The following METTL22 variants were observed in gnomAD, a reference collection of about 807,000 sequenced individuals.
The protein encoded by METTL22 is methyltransferase 22, Kin17 lysine, also known as methyltransferase-like protein 22.
In METTL22, 51 loss-of-function variants were observed where a neutral mutation model predicts 48.4. That is an observed-to-expected ratio of 1.05 (90% confidence interval 0.84 to 1.33). The LOEUF is 1.33. Among genes scored for constraint, METTL22 ranks in the 40% most tolerant of loss-of-function variants. The pLI, the probability that METTL22 is intolerant of heterozygous loss-of-function variation, is 0.00. For missense variants in METTL22, 678 were observed against 526.9 expected (o/e 1.29, Z -2.81); for synonymous variants, 255 against 214.1 (o/e 1.19, Z -1.67).
Position 8,625,798 on chromosome 16 carries a change from G to A in METTL22, c.133G>A (p.Val45Ile), listed in dbSNP as rs75235259. ...ACGGCTGAACAGCGTGGGGCAGCCA[G>A]GTAAGGTCCTGGGCCCAGGTGCCCT... ...MVRLNSVGQP[V>I]FLSQFKLLWS... Residue 45 changes from valine to isoleucine, a missense_variant and splice_region_variant, in exon 2 of 11, where the codon GTT becomes ATT. Transcript: ENST00000381920. 3.7e-4 allele frequency: 599 copies of A among 1,614,036 alleles called. 5 individuals are homozygous for A. In the African/African-American group the frequency reaches 7.5e-3, roughly 20 times the overall value.
chr16:8,642,424 C>T (rs373554207), intron 8 of METTL22, 39 bp from the exon 9 acceptor site: 38 of 1,575,162 alleles, frequency 2.4e-5, no homozygotes, highest in African/African-American at 1.3e-4. Flanking sequence ...GTAATATTTG[C>T]GTGTTTTCCT....
At chr16:8,650,639 G>A (rs1367376083), downstream of METTL22, among the ~76,000 whole-genome samples, 2 of 152,196 alleles carry the variant, frequency 1.3e-5, no homozygotes, top group African/African-American at 4.8e-5. Context: ...TCAAGGTGGT[G>A]AATACCTCAA....
chr16:8,650,133 C>T (rs1567253448), downstream of METTL22, among the ~76,000 whole-genome samples: 1 of 152,186 alleles, frequency 6.6e-6, no homozygotes, highest in Non-Finnish European at 1.5e-5. Context: ...TGAGATCAGC[C>T]TGGGCAACAT....
At chr16:8,657,833 T>TTTTTTTTTTTTTTTTTG in the METTL22 span, among the ~76,000 whole-genome samples, 1 of 150,802 alleles carries the variant, frequency 6.6e-6, no homozygotes, top group East Asian at 1.9e-4. Flanking sequence ...TCTTTTTTTT[T>TTTTTTTTTTTTTTTTTG]TGAGACAAGG....
chr16:8,647,060 G>T lies in METTL22; in HGVS notation c.*917G>T. 1 of 253,484 alleles carries T rather than the reference G, an allele frequency of 3.9e-6. No individual in the cohort carries two copies. Among genetic ancestry groups the T allele is most frequent in the Non-Finnish European group, 7.9e-6 (1 of 127,326 alleles). The allele number at this position is 253,484 out of a possible 1,614,324, so 15.7% of individuals were successfully genotyped here. ...GCTGCTGCCGCACACTTTGCACCAGGGCCTTTCATGGCCCCTTTCCGCCTC... is the reference window on the plus strand; with the variant it reads ...GCTGCTGCCGCACACTTTGCACCAGTGCCTTTCATGGCCCCTTTCCGCCTC... On this transcript the variant is annotated 3_prime_UTR_variant, in exon 11 of 11. Coordinates refer to ENST00000381920, the MANE Select transcript of METTL22 (RefSeq NM_024109.4).
intron 5 of METTL22, among the ~76,000 whole-genome samples, chr16:8,636,750 C>T (rs993176167): frequency 7.2e-5 from 11 of 152,006 alleles, no homozygotes; most frequent in African/African-American, 2.7e-4. Context: ...GTGTTAGTTA[C>T]ATTGCAATGA....
chr16:8,649,943 TTTA>T (rs374484850), downstream of METTL22, among the ~76,000 whole-genome samples: 46 of 152,290 alleles, frequency 3.0e-4, no homozygotes, highest in East Asian at 6.0e-3. Context: ...GATGCTGCAG[TTTA>T]ACAAGCTCCC....
chr16:8,659,920 C>G, the METTL22 span, among the ~76,000 whole-genome samples: 1 of 151,904 alleles, frequency 6.6e-6, no homozygotes, highest in African/African-American at 2.4e-5. Flanking sequence ...GAGACGGGGT[C>G]TCACTATGTT....
chr16:8,627,469 C>A (rs1206422193), intron 2 of METTL22, among the ~76,000 whole-genome samples: 1 of 152,200 alleles, frequency 6.6e-6, no homozygotes, highest in Non-Finnish European at 1.5e-5. Flanking sequence ...CAGCCCCTCC[C>A]TGGCCACCCT....
At chr16:8,638,226 C>G (rs148522728) in intron 5 of METTL22, among the ~76,000 whole-genome samples, 1 of 152,128 alleles carries the variant, frequency 6.6e-6, no homozygotes, top group African/African-American at 2.4e-5. Flanking sequence ...GGGTAGATCC[C>G]TCCCTTCTGC....
At position 8,647,777 on chromosome 16, in the gene METTL22, G is replaced by C. The variant is rs1286850691; in HGVS notation, c.*1634G>C. On this transcript the variant is annotated 3_prime_UTR_variant, in exon 11 of 11. Transcript: ENST00000381920. ...CACCCTGCCCCTCTGGGAGCAAGAA[G>C]AAAACCTATGCATGTACGTTATTAT... 2.0e-5 allele frequency: 3 copies of C among 152,200 alleles called. No individual in the cohort carries two copies. Among genetic ancestry groups the C allele is most frequent in the African/African-American group, 7.2e-5 (3 of 41,440 alleles). The allele number at this position is 152,200 out of a possible 1,614,324, so 9.4% of individuals were successfully genotyped here.
rs1567246597 is a variant in METTL22, at chr16:8,644,621, C to T, written c.1075C>T (p.Leu359=). ...AGCCTACGATCACTTCCGCTCCTGC[C>T]TGCACGCGCTGGAGCAGCTCGCAGA... The part of the protein sequence containing the change: ...CEAYDHFRSC[L]HALEQLADGK... The change falls in exon 10 of 11, where the codon CTG becomes TTG. Residue 359 remains leucine (L), a synonymous_variant. Transcript: ENST00000381920. The T allele has an allele frequency of 1.2e-6, 2 of 1,605,812 alleles. No homozygotes were observed. The highest frequency in any genetic ancestry group is 4.5e-5 in the East Asian group (2 of 44,222).
the METTL22 span, among the ~76,000 whole-genome samples, chr16:8,664,305 C>G: frequency 6.6e-6 from 1 of 152,018 alleles, no homozygotes; most frequent in Non-Finnish European, 1.5e-5. Flanking sequence ...GACACCATGC[C>G]CAGCTAATTT....
At chr16:8,653,908 G>T (rs1230991890), downstream of METTL22, among the ~76,000 whole-genome samples, 2 of 152,134 alleles carry the variant, frequency 1.3e-5, no homozygotes, top group Non-Finnish European at 2.9e-5. Flanking sequence ...TATCAGGGAA[G>T]AATTTTGTGG....
At chr16:8,665,676 A>T in the METTL22 span, among the ~76,000 whole-genome samples, 1 of 152,208 alleles carries the variant, frequency 6.6e-6, no homozygotes, top group Non-Finnish European at 1.5e-5. Flanking sequence ...CTTCAGCTCC[A>T]TTAAACACAT....
intron 1 of METTL22, among the ~76,000 whole-genome samples, chr16:8,625,125 G>T (rs2056000651): frequency 6.6e-6 from 1 of 152,142 alleles, no homozygotes; most frequent in South Asian, 2.1e-4. Context: ...ATGGTCTTAT[G>T]ATTATATAGG....
At chr16:8,628,099 G>A (rs1239230380) in intron 2 of METTL22, among the ~76,000 whole-genome samples, 4 of 152,214 alleles carry the variant, frequency 2.6e-5, no homozygotes, top group Admixed American at 1.3e-4. Flanking sequence ...TTATGTGGTT[G>A]CCACATCTGT....
Position 8,628,744 on chromosome 16 carries a change from T to G in METTL22, c.148T>G (p.Phe50Val), listed in dbSNP as rs1176056221. ...SVGQPVFLSQ[F>V]KLLWSQDSWT... ...TTGCCTTTCAGTTTTCCTGTCCCAA[T>G]TCAAGCTTCTATGGAGCCAAGACTC... Residue 50 changes from phenylalanine to valine, a missense_variant, in exon 3 of 11, where the codon TTC (phenylalanine) becomes GTC (valine). By Grantham distance (50) the Phe-to-Val change is conservative. Transcript: ENST00000381920. 3 of 1,607,872 alleles carry G rather than the reference T, an allele frequency of 1.9e-6. No homozygotes were observed. In the African/African-American group the frequency reaches 4.0e-5, roughly 22 times the overall value.
chr16:8,628,278 T>A (rs1295638563), intron 2 of METTL22, among the ~76,000 whole-genome samples: 1 of 152,148 alleles, frequency 6.6e-6, no homozygotes. Context: ...TGGCACACAG[T>A]GTTCGGTGAT....
Sources: allele counts gnomAD v4.1 joint callset (sites outside exome capture counted in the v4.1 genomes callset), GRCh38; gene constraint gnomAD v4.1.1; transcripts MANE v1.5; gene names NCBI Gene and HGNC (gene_info 2026-07-23, HGNC 2026-07-21).